The following OTOGL variants were observed in gnomAD, a reference collection of about 807,000 sequenced individuals.
OTOGL encodes otogelin like.
OTOGL carries 285 observed loss-of-function variants against 318.5 expected under a neutral mutation model. That is an observed-to-expected ratio of 0.89 (90% confidence interval 0.81 to 0.99). OTOGL has a LOEUF of 0.99. Ranked by LOEUF, OTOGL falls within the 50% of genes least tolerant of loss-of-function variation. The probability of loss-of-function intolerance (pLI) is 0.00; values close to 1 mark genes in which losing one functional copy is unlikely to be tolerated. For synonymous variants in OTOGL, 987 were observed against 936.5 expected, an observed-to-expected ratio of 1.05 and a Z score of -0.99; for missense variants, 2,899 against 2,845.6, an observed-to-expected ratio of 1.02 and a Z score of -0.43.
chr12:80,363,501 T>A (rs569207502), intron 52 of OTOGL, among the ~76,000 whole-genome samples: 7 of 151,722 alleles, frequency 4.6e-5, no homozygotes, highest in African/African-American at 7.3e-5. Flanking sequence ...ACTGGCCTTT[T>A]GTAACAAGTT....
intron 1 of OTOGL, among the ~76,000 whole-genome samples, chr12:80,114,596 GT>G (rs1870046866): frequency 6.6e-6 from 1 of 152,030 alleles, no homozygotes; most frequent in South Asian, 2.1e-4. Context: ...GTGTCCTGGG[GT>G]TGCTCTTCTC....
chr12:80,215,970 G>C (rs1393627916), intron 4 of OTOGL, among the ~76,000 whole-genome samples: 2 of 152,188 alleles, frequency 1.3e-5, no homozygotes, highest in African/African-American at 4.8e-5. Context: ...AAACCATTGT[G>C]TGGGGCAAAG....
chr12:80,373,879 A>G (rs1292088457), intron 57 of OTOGL, among the ~76,000 whole-genome samples: 1 of 152,064 alleles, frequency 6.6e-6, no homozygotes, highest in African/African-American at 2.4e-5. Flanking sequence ...CATTGCCAGG[A>G]CAAGTTTTAG....
chr12:80,351,378 C>T (rs1324958875), intron 44 of OTOGL, among the ~76,000 whole-genome samples: 5 of 151,780 alleles, frequency 3.3e-5, no homozygotes, highest in East Asian at 3.9e-4. Context: ...CACAGTGGTG[C>T]GATCTCGGCT....
intron 1 of OTOGL, among the ~76,000 whole-genome samples, chr12:80,150,671 A>T (rs1412938652): frequency 6.6e-6 from 1 of 152,176 alleles, no homozygotes; most frequent in Non-Finnish European, 1.5e-5. Flanking sequence ...CCTTATAGTT[A>T]TTGTTCACCT....
At chr12:80,120,339 C>T (rs888485268) in intron 1 of OTOGL, among the ~76,000 whole-genome samples, 1 of 151,928 alleles carries the variant, frequency 6.6e-6, no homozygotes, top group African/African-American at 2.4e-5. Context: ...ATGCTGAATC[C>T]TAGCTGGGTT....
At chr12:80,309,483 G>A (rs888364770) in intron 29 of OTOGL, among the ~76,000 whole-genome samples, 8 of 152,162 alleles carry the variant, frequency 5.3e-5, no homozygotes, top group Non-Finnish European at 8.8e-5. Flanking sequence ...GGTGCACAAA[G>A]TGAATTTCAA....
At chr12:80,242,736 C>T (rs1424410651) in intron 11 of OTOGL, among the ~76,000 whole-genome samples, 3 of 152,090 alleles carry the variant, frequency 2.0e-5, no homozygotes, top group Non-Finnish European at 4.4e-5. Context: ...TAGACATGAT[C>T]TCTGTCCTAG....
chr12:80,210,927 TTAATGGGA>T, intron 3 of OTOGL, 41 bp downstream of exon 3: 1 of 1,367,474 alleles, frequency 7.3e-7, no homozygotes, highest in African/African-American at 1.5e-5. Flanking sequence ...AAACATAAAG[TTAATGGGA>T]ATGAGCAAAC....
Position 80,254,579 on chromosome 12 carries a change from TTAAAATGTTTTTA to T in OTOGL, c.1441+12_1441+24del. 1 of 1,599,140 alleles carries T rather than the reference TTAAAATGTTTTTA, an allele frequency of 6.3e-7. No individual in the cohort carries two copies. Among genetic ancestry groups the T allele is most frequent in the Non-Finnish European group, 8.6e-7 (1 of 1,168,798 alleles). ...TGAGCAAGACTGTCCAGGTAATTTT[TTAAAATGTTTTTA>T]TAGAGAATGTTTCAAATTTCTTTAG... On this transcript the variant is annotated intron_variant, in intron 15 of 58. Transcript: ENST00000547103.
chr12:80,244,468 A>G (rs1049749100), intron 11 of OTOGL, among the ~76,000 whole-genome samples: 4 of 149,256 alleles, frequency 2.7e-5, no homozygotes, highest in Admixed American at 6.6e-5. Context: ...ATGATTTCCA[A>G]TTTCATCCAT....
At chr12:80,248,150 T>G (rs904763518) in intron 11 of OTOGL, among the ~76,000 whole-genome samples, 9 of 134,662 alleles carry the variant, frequency 6.7e-5, no homozygotes, top group Admixed American at 1.5e-4. Context: ...AATTGGAGCA[T>G]TTAGTCCATT....
intron 50 of OTOGL, 70 bp from the exon 51 acceptor site, chr12:80,358,601 C>A (rs1890050616): frequency 1.6e-6 from 2 of 1,237,272 alleles, no homozygotes; most frequent in East Asian, 4.8e-5. Flanking sequence ...TGGCAGTGAA[C>A]TAAATGGTAG....
At chr12:80,145,108 G>A (rs1335516846) in intron 1 of OTOGL, among the ~76,000 whole-genome samples, 1 of 151,454 alleles carries the variant, frequency 6.6e-6, no homozygotes, top group Non-Finnish European at 1.5e-5. Context: ...TGCTTTTGGT[G>A]TTTTAGACAT....
rs375839237 is a variant in OTOGL, at chr12:80,345,229, A to G, written c.5265+3067A>G. On this transcript the variant is annotated intron_variant, in intron 44 of 58. Coordinates refer to ENST00000547103, the MANE Select transcript of OTOGL (RefSeq NM_001378609.3). ...ATTATGTATAAAATATATATATATTATATATATATATTTTTTTGAAGAGTC... is the reference window on the plus strand; with the variant it reads ...ATTATGTATAAAATATATATATATTGTATATATATATTTTTTTGAAGAGTC... Among the ~76,000 whole-genome samples the G allele has an allele frequency of 3.0e-4, 36 of 118,714 alleles. No individual in the cohort carries two copies. The East Asian group carries it at 6.9e-3, about 23-fold the overall frequency. The allele number at this position is 118,714 out of a possible 152,430, so 77.9% of individuals were successfully genotyped here.
chr12:80,306,161 G>T (rs1007805223), intron 29 of OTOGL, among the ~76,000 whole-genome samples: 2 of 152,126 alleles, frequency 1.3e-5, no homozygotes, highest in African/African-American at 4.8e-5. Flanking sequence ...TGTGTGGGTG[G>T]GTGGATTGTG....
At chr12:80,356,692 A>G (rs1462605676) in intron 48 of OTOGL, 115 bp from the exon 49 acceptor site, 2 of 651,572 alleles carry the variant, frequency 3.1e-6, no homozygotes, top group Non-Finnish European at 4.9e-6. Context: ...GTATATATAT[A>G]TATGATTAAG....
chr12:80,376,020 G>C (rs1250559621), intron 57 of OTOGL, among the ~76,000 whole-genome samples: 1 of 151,934 alleles, frequency 6.6e-6, no homozygotes, highest in Non-Finnish European at 1.5e-5. Context: ...TAAAGAGTGT[G>C]TTGTGCACAT....
chr12:80,307,289 T>C (rs1198429569), intron 29 of OTOGL, among the ~76,000 whole-genome samples: 3 of 150,174 alleles, frequency 2.0e-5, no homozygotes, highest in Admixed American at 6.6e-5. Context: ...AAACCGCCAT[T>C]GTCATCATGG....
Sources: gnomAD v4.1 joint callset for allele counts (sites outside exome capture counted in the v4.1 genomes callset) on GRCh38, gnomAD v4.1.1 for gene constraint, MANE v1.5 for transcripts, NCBI Gene and HGNC (gene_info 2026-07-23, HGNC 2026-07-21) for gene names.